The following PADI4 variants were observed in gnomAD, a reference collection of about 807,000 sequenced individuals.
The protein encoded by PADI4 is protein-arginine deiminase type-4.
Under a neutral mutation model 75.0 loss-of-function variants are expected in PADI4, and 62 were observed. The ratio of observed to expected loss-of-function variants is 0.83; its 90% CI spans 0.67 to 1.02. PADI4 has a LOEUF of 1.02. Ranked by LOEUF, PADI4 falls within the 50% of genes least tolerant of loss-of-function variation. The pLI is 0.00. For synonymous variants in PADI4, 361 were observed against 348.1 expected, an observed-to-expected ratio of 1.04 and a Z score of -0.41; for missense variants, 845 against 850.5, an observed-to-expected ratio of 0.99 and a Z score of 0.08.
In PADI4 at chr1:17,336,163, C is replaced by T. The variant is rs1384500229; in HGVS notation, c.345C>T (p.Ile115=). 1.2e-6 allele frequency: 2 copies of T among 1,611,964 alleles called. No individual in the cohort carries two copies. Among genetic ancestry groups the T allele is most frequent in the African/African-American group, 2.7e-5 (2 of 74,888 alleles). Reference sequence around the variant, plus strand: ...TCTTACTTGATGGGATTTCAGAAATCTCCTTGTGCGCAGACATCACCCGCA... The same window carrying T: ...TCTTACTTGATGGGATTTCAGAAATTTCCTTGTGCGCAGACATCACCCGCA... ...KALLYLTGVE[I]SLCADITRTG... is the part of the protein sequence containing the mutation. Residue 115 remains isoleucine, a synonymous_variant, in exon 4 of 16, where the codon ATC becomes ATT. Coordinates refer to ENST00000375448, the MANE Select transcript of PADI4 (RefSeq NM_012387.3).
intron 3 of PADI4, 113 bp from the exon 4 acceptor site, chr1:17,336,046 A>G (rs1748034): frequency 1.5e-6 from 1 of 689,090 alleles, no homozygotes; most frequent in Admixed American, 2.3e-5. Flanking sequence ...AGAGGGGCTC[A>G]CACTATGGGT....
chr1:17,327,427 G>A (rs1400823487), intron 1 of PADI4, among the ~76,000 whole-genome samples: 1 of 151,670 alleles, frequency 6.6e-6, no homozygotes, highest in Non-Finnish European at 1.5e-5. Flanking sequence ...CAACTTTTCT[G>A]GATCGTTATA....
At chr1:17,316,031 C>T (rs1569981895) in intron 1 of PADI4, among the ~76,000 whole-genome samples, 2 of 151,960 alleles carry the variant, frequency 1.3e-5, no homozygotes, top group South Asian at 4.1e-4. Flanking sequence ...AAAAACAAAA[C>T]CAGCCTGGCT....
rs750719022 is a variant in PADI4 at position 17,339,752 on chromosome 1, T to C, written c.591T>C (p.His197=). The C allele has an allele frequency of 5.6e-6, 9 of 1,613,920 alleles. No homozygotes were observed. The East Asian group carries it at 2.0e-4, about 36-fold the overall frequency. The stretch of plus-strand genomic sequence containing the variant: ...CCCCCAAGGACTTCTTCACAAACCA[T>C]ACACTGGTGCTCCACGTGGCCAGGT... ...TKTPKDFFTN[H]TLVLHVARSE... The change falls in exon 6 of 16, where the codon CAT becomes CAC. Residue 197 remains histidine (H), a synonymous_variant. Transcript: ENST00000375448.
intron 8 of PADI4, among the ~76,000 whole-genome samples, chr1:17,345,766 TCC>T (rs1333728961): frequency 6.6e-6 from 1 of 152,146 alleles, no homozygotes; most frequent in Non-Finnish European, 1.5e-5. Flanking sequence ...CTCTTTTTCT[TCC>T]CAGTCTCAAG....
intron 15 of PADI4, among the ~76,000 whole-genome samples, chr1:17,361,240 G>A (rs2074843479): frequency 6.6e-6 from 1 of 152,180 alleles, no homozygotes; most frequent in African/African-American, 2.4e-5. Context: ...ATTGTGTGTA[G>A]AATAAAGGGT....
At chr1:17,311,907 C>T (rs957614567) in intron 1 of PADI4, among the ~76,000 whole-genome samples, 6 of 152,092 alleles carry the variant, frequency 3.9e-5, no homozygotes, top group African/African-American at 1.4e-4. Flanking sequence ...TCGGTTTACC[C>T]ATCTGTAAAA....
rs1343956904 is a variant in PADI4, at chr1:17,363,910, C to T, written c.*155C>T. 2.7e-5 allele frequency: 16 copies of T among 596,342 alleles called. No individual in the cohort carries two copies. Among genetic ancestry groups the T allele is most frequent in the Non-Finnish European group, 4.3e-5 (14 of 329,264 alleles). The allele number at this position is 596,342 out of a possible 1,614,324, so 36.9% of individuals were successfully genotyped here. A position where few individuals can be genotyped will look rare whatever the true frequency, so the allele number is the denominator to read the frequency against. On this transcript the variant is annotated 3_prime_UTR_variant, in exon 16 of 16. Transcript: ENST00000375448. Reference sequence around the variant, plus strand: ...TTCTTCTCCTGTGATGTCCCAGTTTCCCACTCTGAAGATCCCAACATGGTC... The same window carrying T: ...TTCTTCTCCTGTGATGTCCCAGTTTTCCACTCTGAAGATCCCAACATGGTC...
chr1:17,342,632 G>A (rs1165750302), intron 8 of PADI4, among the ~76,000 whole-genome samples: 4 of 152,178 alleles, frequency 2.6e-5, no homozygotes, highest in Non-Finnish European at 5.9e-5. Context: ...CCTGTAGAGT[G>A]TGTCCCATGG....
intron 1 of PADI4, among the ~76,000 whole-genome samples, chr1:17,318,119 C>T (rs1010337305): frequency 3.9e-5 from 6 of 152,200 alleles, no homozygotes; most frequent in African/African-American, 1.4e-4. Flanking sequence ...ACAAATTCCC[C>T]AGTGAGGCAG....
intron 8 of PADI4, among the ~76,000 whole-genome samples, chr1:17,342,703 G>A (rs557321569): frequency 2.6e-5 from 4 of 152,264 alleles, no homozygotes; most frequent in South Asian, 4.1e-4. Flanking sequence ...GGCTGGGCAC[G>A]GTGGCTCACG....
chr1:17,334,695 CA>C, intron 3 of PADI4: 1 of 451,610 alleles, frequency 2.2e-6, no homozygotes, highest in Non-Finnish European at 4.4e-6. Context: ...CCTCAAATTC[CA>C]TTATTTATAT....
Position 17,346,173 on chromosome 1 carries a change from C to A in PADI4, c.1047+34C>A. On this transcript the variant is annotated intron_variant, in intron 9 of 15. Coordinates refer to ENST00000375448, the MANE Select transcript of PADI4 (RefSeq NM_012387.3). The surrounding 1 kb of genome is among the most constrained non-coding windows in gnomAD (Gnocchi z 4.3). Reference sequence around the variant, plus strand: ...CCTGCGGGGCAGGCAGGGTGACTGTCCCTGAGGGCCAAGAGACACTTGGGG... The same window carrying A: ...CCTGCGGGGCAGGCAGGGTGACTGTACCTGAGGGCCAAGAGACACTTGGGG... The A allele has an allele frequency of 7.1e-7, 1 of 1,416,742 alleles. No homozygotes were observed. The highest frequency in any genetic ancestry group is 1.0e-6 in the Non-Finnish European group (1 of 1,002,402). The allele number at this position is 1,416,742 out of a possible 1,614,324, so 87.8% of individuals were successfully genotyped here. A position where few individuals can be genotyped will look rare whatever the true frequency, so the allele number is the denominator to read the frequency against.
chr1:17,335,555 G>A (rs1488029968), intron 3 of PADI4, among the ~76,000 whole-genome samples: 1 of 152,180 alleles, frequency 6.6e-6, no homozygotes, highest in Non-Finnish European at 1.5e-5. Flanking sequence ...TGGGGCACAC[G>A]GATCTATTTT....
intron 13 of PADI4, 81 bp from the exon 14 acceptor site, chr1:17,358,757 A>G (rs1484088343): frequency 9.3e-6 from 8 of 861,110 alleles, no homozygotes; most frequent in Non-Finnish European, 1.3e-5. Flanking sequence ...GGGAACACTG[A>G]GTCCCCCCCC....
chr1:17,318,148 C>A (rs1002622323), intron 1 of PADI4, among the ~76,000 whole-genome samples: 7 of 152,334 alleles, frequency 4.6e-5, no homozygotes, highest in Admixed American at 2.0e-4. Context: ...GTTCCGAAGA[C>A]CACACTTTGG....
intron 3 of PADI4, chr1:17,334,395 C>A (rs12737739): frequency 0.37 from 171,242 of 459,248 alleles, 33,914 homozygotes; most frequent in East Asian, 0.58. Flanking sequence ...CTGCGTCTCC[C>A]AGGTTCAAGC....
chr1:17,331,017 G>A lies in PADI4; in HGVS notation c.141G>A (p.Gly47=), dbSNP rs2074201071. The change falls in exon 2 of 16, where the codon GGG becomes GGA. Residue 47 remains glycine, a synonymous_variant. Transcript: ENST00000375448. ...CCTTCAGCATCAACGCCTCCCCAGG[G>A]GTGGTCGTGGATATTGCCCACGGCC... ...CTSFSINASP[G]VVVDIAHGPP... The A allele has an allele frequency of 5.0e-6, 8 of 1,605,274 alleles. No homozygotes were observed. The highest frequency in any genetic ancestry group is 6.0e-6 in the Non-Finnish European group (7 of 1,176,178).
chr1:17,354,789 C>T lies in PADI4; in HGVS notation c.1310+102C>T, dbSNP rs551838105. 4.3e-4 allele frequency: 477 copies of T among 1,096,694 alleles called. 4 individuals are homozygous for T. The East Asian group carries it at 9.5e-3, about 22-fold the overall frequency. 67.9% of individuals were successfully genotyped at this position (1,096,694 alleles called of 1,614,324 possible). On this transcript the variant is annotated intron_variant, in intron 11 of 15. Coordinates refer to ENST00000375448, the MANE Select transcript of PADI4 (RefSeq NM_012387.3). ...TTGCCTTCCTGCTTCCGATTCTAGA[C>T]AGCCCAACAGACTTGAGGGAGTGTG...
Sources: allele counts gnomAD v4.1 joint callset (sites outside exome capture counted in the v4.1 genomes callset), GRCh38; gene constraint gnomAD v4.1.1; non-coding constraint Gnocchi (gnomAD v3.1); transcripts MANE v1.5; gene names NCBI Gene and HGNC (gene_info 2026-07-23, HGNC 2026-07-21).